GPATCH1: variants seen among roughly 807,000 people sequenced by gnomAD.
The protein encoded by GPATCH1 is G-patch domain containing 1.
In GPATCH1, 73 loss-of-function variants were observed where a neutral mutation model predicts 114.9. The ratio of observed to expected loss-of-function variants is 0.64; its 90% CI spans 0.53 to 0.77. The LOEUF (loss-of-function observed/expected upper bound fraction) is 0.77, where lower values mean the gene tolerates loss of function less well. Among genes scored for constraint, GPATCH1 ranks in the 30% least tolerant of loss-of-function variants. The pLI is 0.00. For synonymous variants in GPATCH1, 391 were observed against 428.4 expected, an observed-to-expected ratio of 0.91 and a Z score of 1.08; for missense variants, 1,058 against 1,144.3, an observed-to-expected ratio of 0.92 and a Z score of 1.09.
intron 1 of GPATCH1, among the ~76,000 whole-genome samples, chr19:33,084,980 CCTT>C (rs1972520951): frequency 6.6e-6 from 1 of 152,282 alleles, no homozygotes; most frequent in South Asian, 2.1e-4. Flanking sequence ...TTTTATCCCT[CCTT>C]CTGTTTACTG....
At chr19:33,128,493 C>G (rs895756583) in intron 19 of GPATCH1, among the ~76,000 whole-genome samples, 2 of 152,208 alleles carry the variant, frequency 1.3e-5, no homozygotes, top group East Asian at 1.9e-4. Flanking sequence ...ATCTCCTGAC[C>G]TGGTGATCCG....
chr19:33,119,206 T>C, intron 17 of GPATCH1, 89 bp downstream of exon 17: 1 of 607,916 alleles, frequency 1.6e-6, no homozygotes, highest in East Asian at 3.0e-5. Flanking sequence ...CGACCAAACA[T>C]ACGTGCTTGC....
In GPATCH1 at chr19:33,111,847, C is replaced by T; in HGVS notation, c.1709C>T (p.Thr570Ile). ...CATTCGACCTTGTCCTCCAGGTTCA[C>T]TCACGCCAAGGAGGAGGATGACTCA... ...SSHSTLSSRFTHAKEEDDSDQ... is the reference protein window; with the variant it reads ...SSHSTLSSRFIHAKEEDDSDQ... The change falls in exon 12 of 20, where the codon ACT becomes ATT. Residue 570 changes from threonine to isoleucine, a missense_variant. Coordinates refer to ENST00000170564, the MANE Select transcript of GPATCH1 (RefSeq NM_018025.3). The T allele has an allele frequency of 6.2e-7, 1 of 1,614,142 alleles. No individual in the cohort carries two copies. The highest frequency in any genetic ancestry group is 8.5e-7 in the Non-Finnish European group (1 of 1,179,966).
Position 33,117,987 on chromosome 19 carries a change from A to C in GPATCH1, c.2359A>C (p.Asn787His). Residue 787 changes from asparagine (N) to histidine (H), a missense_variant, in exon 16 of 20, where the codon AAC becomes CAC. This residue lies in a region of GPATCH1 where 893 missense variants were observed against 977.4 expected (regional missense o/e 0.91). Coordinates refer to ENST00000170564, the MANE Select transcript of GPATCH1 (RefSeq NM_018025.3). ...TGATCAGGCAGGCTCTGGGGAGGCC[A>C]ACTTCCAAAGCTCCCAAGACACTGA... ...EDDQAGSGEA[N>H]FQSSQDTDLG... 1 of 1,613,864 alleles carries C rather than the reference A, an allele frequency of 6.2e-7. No individual in the cohort carries two copies. Among genetic ancestry groups the C allele is most frequent in the Middle Eastern group, 1.6e-4 (1 of 6,062 alleles).
At chr19:33,126,934 TAGTG>T (rs1282027769) in intron 19 of GPATCH1, among the ~76,000 whole-genome samples, 2 of 151,098 alleles carry the variant, frequency 1.3e-5, no homozygotes, top group African/African-American at 4.9e-5. Context: ...CTGGGCAACA[TAGTG>T]AGACCCCAGC....
chr19:33,123,342 G>A (rs924971790), intron 17 of GPATCH1, among the ~76,000 whole-genome samples: 10 of 151,588 alleles, frequency 6.6e-5, no homozygotes, highest in African/African-American at 2.4e-4. Context: ...AGAGGTTGGG[G>A]TGAGCTGAGA....
chr19:33,109,239 A>G (rs1159968687), intron 10 of GPATCH1, among the ~76,000 whole-genome samples: 1 of 151,086 alleles, frequency 6.6e-6, no homozygotes, highest in African/African-American at 2.4e-5. Flanking sequence ...GGAATTGGCC[A>G]GGCGTGGTGG....
At chr19:33,118,535 C>T (rs4805852) in intron 16 of GPATCH1, among the ~76,000 whole-genome samples, 82,987 of 151,954 alleles carry the variant, frequency 0.55, 26,982 homozygotes, top group African/African-American at 0.88. Context: ...TAGTAATCTG[C>T]TTAAAAAACA....
intron 9 of GPATCH1, among the ~76,000 whole-genome samples, chr19:33,102,967 C>T (rs1972744065): frequency 6.6e-6 from 1 of 152,136 alleles, no homozygotes; most frequent in South Asian, 2.1e-4. Context: ...CTCTGCGTGC[C>T]TTTGCAGATT....
intron 16 of GPATCH1, 135 bp downstream of exon 16, chr19:33,118,176 A>T (rs201100125): frequency 9.7e-5 from 27 of 277,634 alleles, no homozygotes; most frequent in Middle Eastern, 1.1e-3. Context: ...TATGTATATA[A>T]TTTTTTTTTT....
chr19:33,084,467 C>G (rs767759168), intron 1 of GPATCH1, among the ~76,000 whole-genome samples: 1 of 152,042 alleles, frequency 6.6e-6, no homozygotes, highest in Admixed American at 6.6e-5. Flanking sequence ...GGCCAATTTT[C>G]TCCTCCTTGA....
intron 1 of GPATCH1, among the ~76,000 whole-genome samples, chr19:33,083,196 AT>A (rs2145296068): frequency 7.2e-6 from 1 of 139,738 alleles, no homozygotes; most frequent in African/African-American, 2.7e-5. Context: ...GTGAGCCAAG[AT>A]GGCGCCACTG....
chr19:33,097,940 T>C (rs761664905), intron 8 of GPATCH1, 38 bp downstream of exon 8: 1 of 1,601,470 alleles, frequency 6.2e-7, no homozygotes, highest in South Asian at 1.1e-5. Context: ...CAGGACCAAG[T>C]GTCAGGGTAT....
intron 10 of GPATCH1, among the ~76,000 whole-genome samples, chr19:33,108,038 G>A (rs1368776361): frequency 6.6e-6 from 1 of 151,450 alleles, no homozygotes; most frequent in African/African-American, 2.4e-5. Context: ...CTCTCTTTTC[G>A]GTCCTCCCGC....
chr19:33,115,035 G>T (rs528000524), intron 15 of GPATCH1, among the ~76,000 whole-genome samples: 112 of 148,728 alleles, frequency 7.5e-4, no homozygotes, highest in Middle Eastern at 3.5e-3. Flanking sequence ...CTTGAACTGG[G>T]ATTGCTATTT....
chr19:33,105,157 C>T (rs888627751), intron 9 of GPATCH1, among the ~76,000 whole-genome samples: 2 of 152,058 alleles, frequency 1.3e-5, no homozygotes, highest in Middle Eastern at 3.2e-3. Context: ...ATAGGCCAGG[C>T]GTGGTGGCTT....
intron 2 of GPATCH1, 127 bp downstream of exon 2, chr19:33,088,395 A>T (rs11672590): frequency 8.8e-6 from 6 of 678,194 alleles, no homozygotes; most frequent in South Asian, 3.9e-5. Context: ...CCCAGGCTGG[A>T]GTGCTGTTGT....
intron 2 of GPATCH1, among the ~76,000 whole-genome samples, chr19:33,089,578 A>C (rs544091571): frequency 1.3e-5 from 2 of 152,196 alleles, no homozygotes; most frequent in East Asian, 3.9e-4. Context: ...TGATTAATTC[A>C]CATAGCAATT....
chr19:33,083,361 C>A (rs930304350), intron 1 of GPATCH1, among the ~76,000 whole-genome samples: 1 of 150,358 alleles, frequency 6.7e-6, no homozygotes, highest in Non-Finnish European at 1.5e-5. Context: ...GAATTATAGG[C>A]GTGACTCTCT....
Sources: gnomAD v4.1 joint callset for allele counts (sites outside exome capture counted in the v4.1 genomes callset) on GRCh38, gnomAD v4.1.1 for gene constraint, gnomAD v4.1.1 regional missense constraint, MANE v1.5 for transcripts, NCBI Gene and HGNC (gene_info 2026-07-23, HGNC 2026-07-21) for gene names.